The following GRID2 variants were observed in gnomAD, a reference collection of about 807,000 sequenced individuals.
The protein encoded by GRID2 is glutamate receptor ionotropic, delta-2.
GRID2 carries 33 observed loss-of-function variants against 114.8 expected under a neutral mutation model. The ratio of observed to expected loss-of-function variants is 0.29; its 90% CI spans 0.22 to 0.38. The LOEUF (loss-of-function observed/expected upper bound fraction) is 0.38. GRID2 is among the 10% of genes least tolerant of loss of function. The pLI, the probability that GRID2 is intolerant of heterozygous loss-of-function variation, is 1.00. For synonymous variants in GRID2, 505 were observed against 449.9 expected, an observed-to-expected ratio of 1.12 and a Z score of -1.55; for missense variants, 1,184 against 1,257.7, an observed-to-expected ratio of 0.94 and a Z score of 0.89.
chr4:92,925,108 A>G (rs995084396), intron 2 of GRID2, among the ~76,000 whole-genome samples: 1 of 152,094 alleles, frequency 6.6e-6, no homozygotes. Flanking sequence ...AGTTTTCCAC[A>G]CCTTCCTGTA....
intron 4 of GRID2, among the ~76,000 whole-genome samples, chr4:93,135,776 A>G (rs1735187884): frequency 6.6e-6 from 1 of 152,172 alleles, no homozygotes; most frequent in Non-Finnish European, 1.5e-5. Context: ...TAGAAAACCA[A>G]GAAGAGTTAC....
intron 14 of GRID2, among the ~76,000 whole-genome samples, chr4:93,714,403 G>A (rs1728737138): frequency 6.6e-6 from 1 of 152,136 alleles, no homozygotes; most frequent in African/African-American, 2.4e-5. Context: ...ACAAACATAT[G>A]TATGCATGTA....
chr4:92,410,969 C>T (rs528507179), intron 1 of GRID2, among the ~76,000 whole-genome samples: 1 of 148,494 alleles, frequency 6.7e-6, no homozygotes, highest in African/African-American at 2.5e-5. Context: ...TGTCAAACTT[C>T]TGAAAAAAAC....
intron 14 of GRID2, among the ~76,000 whole-genome samples, chr4:93,694,289 C>A (rs1470275179): frequency 6.6e-6 from 1 of 152,156 alleles, no homozygotes; most frequent in Non-Finnish European, 1.5e-5. Context: ...ACCCAACCAA[C>A]CTCCTCACTG....
chr4:93,497,056 T>A (rs868819311), intron 12 of GRID2, among the ~76,000 whole-genome samples: 1 of 151,886 alleles, frequency 6.6e-6, no homozygotes, highest in Middle Eastern at 3.4e-3. Context: ...GTATCATTTT[T>A]TTTTTTTTAG....
chr4:92,795,794 G>A (rs1001615900), intron 2 of GRID2, among the ~76,000 whole-genome samples: 1 of 151,826 alleles, frequency 6.6e-6, no homozygotes, highest in African/African-American at 2.4e-5. Flanking sequence ...TGTCTGGAAC[G>A]GGTTCAAAAG....
At chr4:93,507,999 A>T (rs543418560) in intron 12 of GRID2, among the ~76,000 whole-genome samples, 48 of 151,868 alleles carry the variant, frequency 3.2e-4, no homozygotes, top group African/African-American at 1.1e-3. Flanking sequence ...CACACACCGG[A>T]GACTGCTGTG....
At chr4:92,557,060 T>C (rs1309616891) in intron 1 of GRID2, among the ~76,000 whole-genome samples, 2 of 152,202 alleles carry the variant, frequency 1.3e-5, no homozygotes, top group African/African-American at 4.8e-5. Context: ...ATTTTAATTT[T>C]ATAAGGAGAA....
At chr4:92,714,946 C>G (rs1373537417) in intron 2 of GRID2, among the ~76,000 whole-genome samples, 2 of 152,172 alleles carry the variant, frequency 1.3e-5, no homozygotes, top group Admixed American at 6.5e-5. Context: ...ACATTTGGCT[C>G]CTAGTTACTT....
intron 1 of GRID2, among the ~76,000 whole-genome samples, chr4:92,362,888 T>A (rs1321868851): frequency 6.6e-6 from 1 of 152,078 alleles, no homozygotes; most frequent in Non-Finnish European, 1.5e-5. Context: ...TAGTAGATAT[T>A]ATTTTAACAT....
intron 8 of GRID2, among the ~76,000 whole-genome samples, chr4:93,360,228 A>G (rs1265323973): frequency 6.6e-6 from 1 of 151,946 alleles, no homozygotes; most frequent in Non-Finnish European, 1.5e-5. Context: ...ATTTATTTAT[A>G]TTAGTGTTAT....
At chr4:93,768,918 G>A (rs1418970523) in intron 14 of GRID2, among the ~76,000 whole-genome samples, 1 of 146,276 alleles carries the variant, frequency 6.8e-6, no homozygotes, top group South Asian at 2.3e-4. Flanking sequence ...AAAATATTTA[G>A]AATTATAGAA....
chr4:92,887,978 G>C (rs1746492326), intron 2 of GRID2, among the ~76,000 whole-genome samples: 1 of 152,044 alleles, frequency 6.6e-6, no homozygotes, highest in African/African-American at 2.4e-5. Flanking sequence ...TTAACACAAA[G>C]AATAATGCAG....
chr4:93,701,898 A>G lies in GRID2; in HGVS notation c.2361-67312A>G, dbSNP rs146365610. On this transcript the variant is annotated intron_variant, in intron 14 of 15. Transcript: ENST00000282020. ...CAGTTTATTAATTTATATGTACAAA[A>G]GCAACCTACATATTTAAGATAATAT... Among the ~76,000 whole-genome samples, 402 of 152,204 alleles carry G rather than the reference A, an allele frequency of 2.6e-3. 4 individuals are homozygous for G. The highest frequency in any genetic ancestry group is 9.2e-3 in the African/African-American group (384 of 41,550).
At chr4:92,634,874 AGAGAAAG>A in intron 2 of GRID2, among the ~76,000 whole-genome samples, 1 of 131,014 alleles carries the variant, frequency 7.6e-6, no homozygotes, top group Non-Finnish European at 1.6e-5. Context: ...AGAGAGAGAG[AGAGAAAG>A]AGAGAGAGAG....
intron 11 of GRID2, among the ~76,000 whole-genome samples, chr4:93,479,390 A>G (rs1725636879): frequency 1.3e-5 from 2 of 152,146 alleles, no homozygotes; most frequent in African/African-American, 2.4e-5. Flanking sequence ...ATATAGATAG[A>G]TAGAGATGTA....
intron 14 of GRID2, among the ~76,000 whole-genome samples, chr4:93,684,943 G>C (rs1371330956): frequency 6.6e-6 from 1 of 152,046 alleles, no homozygotes. Flanking sequence ...TGAAATAGGT[G>C]AGTGGGGGTG....
intron 4 of GRID2, among the ~76,000 whole-genome samples, chr4:93,183,619 A>T (rs1740114246): frequency 1.3e-5 from 2 of 152,196 alleles, no homozygotes; most frequent in Non-Finnish European, 2.9e-5. Context: ...GATACAAGGC[A>T]ATGTAGGGCA....
At chr4:92,997,059 C>T (rs1470463877) in intron 2 of GRID2, among the ~76,000 whole-genome samples, 2 of 152,186 alleles carry the variant, frequency 1.3e-5, no homozygotes, top group African/African-American at 4.8e-5. Flanking sequence ...AAAGCATCAT[C>T]ATGTTTGACA....
Sources: gnomAD v4.1 joint callset for allele counts (sites outside exome capture counted in the v4.1 genomes callset) on GRCh38, gnomAD v4.1.1 for gene constraint, MANE v1.5 for transcripts, NCBI Gene and HGNC (gene_info 2026-07-23, HGNC 2026-07-21) for gene names.